The following SLC7A13 variants were observed in gnomAD, a reference collection of about 807,000 sequenced individuals.
The protein encoded by SLC7A13 is solute carrier family 7 member 13, also known as X-amino acid transporter 2.
Under a neutral mutation model 32.0 loss-of-function variants are expected in SLC7A13, and 31 were observed. The ratio of observed to expected loss-of-function variants is 0.97; its 90% CI spans 0.73 to 1.31. The LOEUF is 1.31. SLC7A13 is among the 50% of genes most tolerant of loss of function. SLC7A13 has a pLI of 0.00. For synonymous variants in SLC7A13, 232 were observed against 206.9 expected (o/e 1.12, Z -1.04); for missense variants, 633 against 546.9 (o/e 1.16, Z -1.57).
chr8:86,219,739 T>C (rs1025830425), intron 2 of SLC7A13, among the ~76,000 whole-genome samples: 1 of 152,192 alleles, frequency 6.6e-6, no homozygotes, highest in Non-Finnish European at 1.5e-5. Context: ...TTCTCAGTAT[T>C]CCATTATATA....
chr8:86,219,639 G>T (rs1820254290), intron 2 of SLC7A13, among the ~76,000 whole-genome samples: 1 of 152,110 alleles, frequency 6.6e-6, no homozygotes. Flanking sequence ...ATATGAGTCT[G>T]CATGTATTTG....
At position 86,225,557 on chromosome 8, in the gene SLC7A13, C is replaced by A. The variant is rs536009430; in HGVS notation, c.686-2454G>T. The stretch of plus-strand genomic sequence containing the variant: ...ATATGTAAAGAGGAGATGGAGATTA[C>A]AATTTAATTTATAATAAAAAGTTAT... On this transcript the variant is annotated intron_variant, in intron 1 of 3. Coordinates refer to ENST00000297524, the MANE Select transcript of SLC7A13 (RefSeq NM_138817.3). Among the ~76,000 whole-genome samples the A allele has an allele frequency of 2.4e-4, 36 of 152,188 alleles. No homozygotes were observed. The East Asian group carries it at 6.9e-3, about 29-fold the overall frequency.
At chr8:86,223,148 T>C in intron 1 of SLC7A13, 45 bp from the exon 2 acceptor site, 1 of 1,506,328 alleles carries the variant, frequency 6.6e-7, no homozygotes, top group South Asian at 1.4e-5. Context: ...AAACATTATT[T>C]CTAAAATTCA....
Position 86,223,098 on chromosome 8 carries a change from G to T in SLC7A13, c.691C>A (p.Leu231Met). The change falls in exon 2 of 4, where the codon CTG becomes ATG. Residue 231 changes from leucine (L) to methionine (M), a missense_variant. Leu to Met is a conservative substitution (Grantham distance 15). Transcript: ENST00000297524. ...GGAATTGTTGTTCTGGGCTTCTTCAGCTCCCCTATAACACAAAAGAGGACA... is the reference window on the plus strand; with the variant it reads ...GGAATTGTTGTTCTGGGCTTCTTCATCTCCCCTATAACACAAAAGAGGACA... Reference protein sequence around the residue: ...GACFTLIAGELKKPRTTIPKC... With the variant: ...GACFTLIAGEMKKPRTTIPKC... 1.9e-6 allele frequency: 3 copies of T among 1,597,310 alleles called. No individual in the cohort carries two copies. Among genetic ancestry groups the T allele is most frequent in the Non-Finnish European group, 2.6e-6 (3 of 1,172,400 alleles).
chr8:86,229,446 G>T, intron 1 of SLC7A13, 147 bp downstream of exon 1: 1 of 751,256 alleles, frequency 1.3e-6, no homozygotes. Context: ...GGTAACAAGT[G>T]CCAGGCTGGC....
intron 3 of SLC7A13, among the ~76,000 whole-genome samples, chr8:86,216,029 G>T (rs377160622): frequency 6.6e-6 from 1 of 152,100 alleles, no homozygotes; most frequent in South Asian, 2.1e-4. Context: ...AGAAACTGAG[G>T]TTCAGAGGTT....
chr8:86,223,550 A>T (rs1820339561), intron 1 of SLC7A13, among the ~76,000 whole-genome samples: 1 of 152,048 alleles, frequency 6.6e-6, no homozygotes, highest in Non-Finnish European at 1.5e-5. Flanking sequence ...ACACACACAC[A>T]CTAGTGTTGT....
Position 86,230,285 on chromosome 8 carries a change from G to C in SLC7A13, c.-8C>G, listed in dbSNP as rs1563593401. The C allele has an allele frequency of 6.5e-7, 1 of 1,536,460 alleles. No homozygotes were observed. The highest frequency in any genetic ancestry group is 2.3e-5 in the East Asian group (1 of 44,080). The stretch of plus-strand genomic sequence containing the variant: ...TTTCTCCCCTCTATCCATTGTAATT[G>C]AAGAGTTTTAAAATTCTATATAAAT... On this transcript the variant is annotated 5_prime_UTR_variant, in exon 1 of 4. Coordinates refer to ENST00000297524, the MANE Select transcript of SLC7A13 (RefSeq NM_138817.3).
rs532553068 is a variant in SLC7A13, at chr8:86,217,164, T to A, written c.1179+306A>T. On this transcript the variant is annotated intron_variant, in intron 3 of 3. Coordinates refer to ENST00000297524, the MANE Select transcript of SLC7A13 (RefSeq NM_138817.3). Reference sequence around the variant, plus strand: ...GCCCTGACTGTGGAAGACATTCATATGCATGACTAGTTACATAAGTAGACA... The same window carrying A: ...GCCCTGACTGTGGAAGACATTCATAAGCATGACTAGTTACATAAGTAGACA... Among the ~76,000 whole-genome samples, 10 of 152,342 alleles carry A rather than the reference T, an allele frequency of 6.6e-5. No individual in the cohort carries two copies. The South Asian group carries it at 2.1e-3, about 32-fold the overall frequency.
chr8:86,216,274 G>T (rs778259998), intron 3 of SLC7A13, among the ~76,000 whole-genome samples: 2 of 152,168 alleles, frequency 1.3e-5, no homozygotes, highest in African/African-American at 2.4e-5. Context: ...CGTTAGGCAG[G>T]CACCTCCAAG....
chr8:86,227,362 T>C (rs961508939), intron 1 of SLC7A13, among the ~76,000 whole-genome samples: 1 of 151,956 alleles, frequency 6.6e-6, no homozygotes, highest in Non-Finnish European at 1.5e-5. Flanking sequence ...AATAAAAGAA[T>C]GTGAAAAGTC....
At chr8:86,223,795 A>G (rs948837701) in intron 1 of SLC7A13, among the ~76,000 whole-genome samples, 4 of 110,494 alleles carry the variant, frequency 3.6e-5, no homozygotes, top group Non-Finnish European at 7.9e-5. Flanking sequence ...ACTAAAATGC[A>G]CACACACACA....
In SLC7A13 at chr8:86,230,082, A is replaced by C. The variant is rs772003345; in HGVS notation, c.196T>G (p.Cys66Gly). Residue 66 changes from cysteine (C) to glycine (G), a missense_variant, in exon 1 of 4, where the codon TGC (cysteine) becomes GGC (glycine). By Grantham distance (159) the Cys-to-Gly change is radical. Coordinates refer to ENST00000297524, the MANE Select transcript of SLC7A13 (RefSeq NM_138817.3). ...CAILAMTSTL[C>G]SAEISISFPC... The stretch of plus-strand genomic sequence containing the variant: ...AAGCTTATACTTATCTCTGCAGAGC[A>C]AAGAGTTGATGTCATGGCCAGTATG... The C allele has an allele frequency of 1.2e-5, 20 of 1,614,056 alleles. No individual in the cohort carries two copies. The highest frequency in any genetic ancestry group is 1.6e-5 in the Non-Finnish European group (19 of 1,180,046).
chr8:86,229,501 C>T (rs2129813177), intron 1 of SLC7A13, 92 bp downstream of exon 1: 2 of 1,170,604 alleles, frequency 1.7e-6, no homozygotes, highest in Admixed American at 2.2e-5. Flanking sequence ...AACATTAAAT[C>T]ATTTAAGACT....
intron 3 of SLC7A13, among the ~76,000 whole-genome samples, chr8:86,214,956 G>A (rs936585412): frequency 6.6e-6 from 1 of 152,098 alleles, no homozygotes; most frequent in African/African-American, 2.4e-5. Flanking sequence ...TGTTAAGAGG[G>A]AGTTTCTAAG....
intron 3 of SLC7A13, chr8:86,215,723 T>C (rs1337979939): frequency 2.3e-6 from 1 of 434,414 alleles, no homozygotes; most frequent in Non-Finnish European, 4.6e-6. Context: ...AAGAATCTCT[T>C]CTTAGCTTAT....
In SLC7A13 at chr8:86,223,042, C is replaced by T. The variant is rs147514257; in HGVS notation, c.747G>A (p.Val249=). Residue 249 remains valine (V), a synonymous_variant, in exon 2 of 4, where the codon GTG becomes GTA. Coordinates refer to ENST00000297524, the MANE Select transcript of SLC7A13 (RefSeq NM_138817.3). ...TGTTAACCAGTAAATAAACTACAGT[C>T]ACCAGAGGTAACGCAGTAAATATGC... is the stretch of plus-strand genomic sequence containing the variant. The part of the protein sequence containing the change: ...PKCIFTALPL[V]TVVYLLVNIS... The T allele has an allele frequency of 7.5e-6, 12 of 1,608,284 alleles. No homozygotes were observed. Among genetic ancestry groups the T allele is most frequent in the Middle Eastern group, 1.7e-4 (1 of 6,058 alleles).
At chr8:86,223,465 A>G (rs1391171503) in intron 1 of SLC7A13, among the ~76,000 whole-genome samples, 1 of 152,148 alleles carries the variant, frequency 6.6e-6, no homozygotes, top group Non-Finnish European at 1.5e-5. Context: ...GATGGTCTCC[A>G]GCTGCATTCA....
At position 86,229,815 on chromosome 8, in the gene SLC7A13, C is replaced by G; in HGVS notation, c.463G>C (p.Glu155Gln). Residue 155 changes from glutamate (E) to glutamine (Q), a missense_variant, in exon 1 of 4, where the codon GAA becomes CAA. Glu to Gln is a conservative substitution (Grantham distance 29, BLOSUM62 2). Transcript: ENST00000297524. The part of the protein sequence containing the change: ...VGILTSRGVK[E>Q]VTWLQIASSV... ...CTAGCTATCTGAAGCCAAGTCACTT[C>G]TTTCACACCACGAGAAGTCAGAATT... 1 of 1,614,186 alleles carries G rather than the reference C, an allele frequency of 6.2e-7. No individual in the cohort carries two copies. The highest frequency in any genetic ancestry group is 8.5e-7 in the Non-Finnish European group (1 of 1,180,036).
Sources: gnomAD v4.1 joint callset for allele counts (sites outside exome capture counted in the v4.1 genomes callset) on GRCh38, gnomAD v4.1.1 for gene constraint, MANE v1.5 for transcripts, NCBI Gene and HGNC (gene_info 2026-07-23, HGNC 2026-07-21) for gene names.